SCHIP1: variants seen among roughly 807,000 people sequenced by gnomAD.
SCHIP1 encodes the protein schwannomin interacting protein 1, also known as schwannomin-interacting protein 1.
In SCHIP1, 8 loss-of-function variants were observed where a neutral mutation model predicts 29.7. That is an observed-to-expected ratio of 0.27 (90% CI 0.16 to 0.49). SCHIP1 has a LOEUF of 0.49. SCHIP1 is among the 20% of genes least tolerant of loss of function. The pLI is 0.99. For missense variants in SCHIP1, 193 were observed against 294.6 expected, an observed-to-expected ratio of 0.66 and a Z score of 2.52; for synonymous variants, 76 against 94.9, an observed-to-expected ratio of 0.80 and a Z score of 1.16.
At chr3:159,373,565 T>C in the SCHIP1 span, among the ~76,000 whole-genome samples, 1 of 152,082 alleles carries the variant, frequency 6.6e-6, no homozygotes, top group African/African-American at 2.4e-5. Context: ...CATCTCCCTA[T>C]TTCCCTCAAA....
At chr3:159,636,988 G>A in the SCHIP1 span, among the ~76,000 whole-genome samples, 2 of 152,144 alleles carry the variant, frequency 1.3e-5, no homozygotes, top group Non-Finnish European at 2.9e-5. Flanking sequence ...AGCTCAATCT[G>A]AAACTGAGGG....
chr3:159,732,725 T>C, the SCHIP1 span, among the ~76,000 whole-genome samples: 3 of 151,978 alleles, frequency 2.0e-5, no homozygotes, highest in Non-Finnish European at 4.4e-5. Context: ...GATAAGACCG[T>C]GGAGGGATAA....
chr3:159,350,797 C>A, the SCHIP1 span, among the ~76,000 whole-genome samples: 1 of 152,074 alleles, frequency 6.6e-6, no homozygotes, highest in Non-Finnish European at 1.5e-5. Context: ...TTAGCAAAAT[C>A]CTGAATACAA....
chr3:159,795,595 C>T, the SCHIP1 span, among the ~76,000 whole-genome samples: 1 of 152,172 alleles, frequency 6.6e-6, no homozygotes, highest in Admixed American at 6.5e-5. Context: ...CAAAGAGTCC[C>T]TGGACTGAGT....
chr3:159,391,075 G>A, the SCHIP1 span, among the ~76,000 whole-genome samples: 2 of 152,250 alleles, frequency 1.3e-5, no homozygotes, highest in African/African-American at 4.8e-5. Context: ...AAAAACTGAT[G>A]TCTTGGTAGT....
At chr3:159,520,723 T>G in the SCHIP1 span, among the ~76,000 whole-genome samples, 6 of 152,224 alleles carry the variant, frequency 3.9e-5, no homozygotes, top group African/African-American at 1.4e-4. Context: ...TCCATCCTAA[T>G]GAATTAGAAC....
At chr3:159,318,426 T>C in the SCHIP1 span, among the ~76,000 whole-genome samples, 1 of 152,208 alleles carries the variant, frequency 6.6e-6, no homozygotes, top group African/African-American at 2.4e-5. Context: ...TCTTCTTCCA[T>C]GTAAAGTGCA....
the SCHIP1 span, among the ~76,000 whole-genome samples, chr3:159,279,552 T>G: frequency 6.6e-6 from 1 of 152,138 alleles, no homozygotes; most frequent in Non-Finnish European, 1.5e-5. Context: ...CTGCCATACC[T>G]GGACTTCTGT....
rs1714606335 is a variant in SCHIP1, at chr3:159,866,148, T to C, written c.31-15T>C. 2 of 1,611,704 alleles carry C rather than the reference T, an allele frequency of 1.2e-6. No individual in the cohort carries two copies. The highest frequency in any genetic ancestry group is 1.3e-5 in the African/African-American group (1 of 74,752). On this transcript the variant is annotated splice_polypyrimidine_tract_variant and intron_variant, in intron 1 of 6. Coordinates refer to ENST00000445224, the Ensembl canonical transcript of SCHIP1. Reference sequence around the variant, plus strand: ...TGCCCACTTATCAGCATTTTTTATTTTCTTGAAATTTTAGGCACAGAAAAA... The same window carrying C: ...TGCCCACTTATCAGCATTTTTTATTCTCTTGAAATTTTAGGCACAGAAAAA...
the SCHIP1 span, among the ~76,000 whole-genome samples, chr3:159,587,259 A>G: frequency 3.3e-5 from 5 of 152,306 alleles, no homozygotes; most frequent in Non-Finnish European, 7.3e-5. Flanking sequence ...TGAATTATGT[A>G]TCATCTTGAA....
the SCHIP1 span, among the ~76,000 whole-genome samples, chr3:159,541,011 T>A: frequency 6.6e-6 from 1 of 152,078 alleles, no homozygotes; most frequent in African/African-American, 2.4e-5. Context: ...GACACATTGC[T>A]TTGATAAAAT....
the SCHIP1 span, among the ~76,000 whole-genome samples, chr3:159,705,672 T>C: frequency 6.6e-6 from 1 of 152,050 alleles, no homozygotes; most frequent in Non-Finnish European, 1.5e-5. Flanking sequence ...GCAGGATGGA[T>C]GTGAGAATGC....
intron 1 of SCHIP1, among the ~76,000 whole-genome samples, chr3:159,846,813 G>A (rs1711904367): frequency 6.6e-6 from 1 of 151,888 alleles, no homozygotes; most frequent in Non-Finnish European, 1.5e-5. Context: ...ATATAGTTCT[G>A]TTTTTCCAAA....
the SCHIP1 span, chr3:159,765,395 AC>A: frequency 8.9e-6 from 4 of 446,942 alleles, no homozygotes; most frequent in Admixed American, 1.7e-4. Context: ...GGTTAGTGGA[AC>A]CGGCGACTCA....
the SCHIP1 span, among the ~76,000 whole-genome samples, chr3:159,661,953 C>T: frequency 2.0e-5 from 3 of 152,272 alleles, no homozygotes; most frequent in South Asian, 6.2e-4. Context: ...TTAACTTCCT[C>T]GTAGTTTCAG....
the SCHIP1 span, among the ~76,000 whole-genome samples, chr3:159,736,054 T>C: frequency 6.6e-6 from 1 of 152,090 alleles, no homozygotes; most frequent in East Asian, 1.9e-4. Flanking sequence ...TGCCCAATAG[T>C]CTAACAAAGT....
At chr3:159,545,900 A>G in the SCHIP1 span, among the ~76,000 whole-genome samples, 7 of 151,668 alleles carry the variant, frequency 4.6e-5, no homozygotes, top group South Asian at 1.0e-3. Context: ...CAGTCTGGGG[A>G]CTGAGCATGT....
At chr3:159,687,823 T>C in the SCHIP1 span, among the ~76,000 whole-genome samples, 1 of 152,224 alleles carries the variant, frequency 6.6e-6, no homozygotes, top group South Asian at 2.1e-4. Context: ...ATTGTTCAAC[T>C]TCCACTTATG....
At chr3:159,524,916 G>A in the SCHIP1 span, among the ~76,000 whole-genome samples, 2 of 152,178 alleles carry the variant, frequency 1.3e-5, no homozygotes, top group South Asian at 4.2e-4. Flanking sequence ...GACCCCTACT[G>A]TACACCCCAC....
Sources: gnomAD v4.1 joint callset for allele counts (sites outside exome capture counted in the v4.1 genomes callset) on GRCh38, gnomAD v4.1.1 for gene constraint, MANE v1.5 for transcripts, NCBI Gene and HGNC (gene_info 2026-07-23, HGNC 2026-07-21) for gene names.